Variants in PRMT8 observed in about 807,000 individuals in gnomAD.
The protein encoded by PRMT8 is protein arginine methyltransferase 8, also known as protein arginine N-methyltransferase 8.
In PRMT8, 7 loss-of-function variants were observed where a neutral mutation model predicts 47.1. The ratio of observed to expected loss-of-function variants is 0.15; its 90% CI spans 0.08 to 0.28. The LOEUF is 0.28. PRMT8 is among the 10% of genes least tolerant of loss of function. PRMT8 has a pLI of 1.00. For synonymous variants in PRMT8, 188 were observed against 186.5 expected, an observed-to-expected ratio of 1.01 and a Z score of -0.07; for missense variants, 237 against 505.4, an observed-to-expected ratio of 0.47 and a Z score of 5.09.
chr12:3,519,361 G>A (rs1865845574), intron 1 of PRMT8, among the ~76,000 whole-genome samples: 1 of 152,180 alleles, frequency 6.6e-6, no homozygotes, highest in Non-Finnish European at 1.5e-5. Flanking sequence ...GAGGAAGTGA[G>A]AGGATGCGGA....
chr12:3,449,083 C>T (rs1864890540), intron 1 of PRMT8, among the ~76,000 whole-genome samples: 1 of 152,204 alleles, frequency 6.6e-6, no homozygotes, highest in Admixed American at 6.5e-5. Context: ...CTTTTTATGG[C>T]TGCATAGTAT....
chr12:3,525,032 G>T (rs969508982), intron 1 of PRMT8, among the ~76,000 whole-genome samples: 6 of 152,118 alleles, frequency 3.9e-5, no homozygotes, highest in African/African-American at 1.4e-4. Flanking sequence ...CACCAGCCTG[G>T]CCAAAATGGA....
chr12:3,535,055 C>T lies in PRMT8; in HGVS notation c.76-5551C>T, dbSNP rs1866095037. On this transcript the variant is annotated intron_variant, in intron 1 of 9. Coordinates refer to ENST00000382622, the MANE Select transcript of PRMT8 (RefSeq NM_019854.5). The surrounding 1 kb of genome is among the most constrained non-coding windows in gnomAD (Gnocchi z 4.7). ...CAATGTTAGGTCTCATCACCATCAT[C>T]ATCCTCTGCCATCTACCTGCATTTT... Among the ~76,000 whole-genome samples, 1 of 152,242 alleles carries T rather than the reference C, an allele frequency of 6.6e-6. No individual in the cohort carries two copies. Among genetic ancestry groups the T allele is most frequent in the South Asian group, 2.1e-4 (1 of 4,832 alleles).
intron 2 of PRMT8, among the ~76,000 whole-genome samples, chr12:3,548,152 C>T (rs1050405963): frequency 9.9e-5 from 15 of 151,714 alleles, no homozygotes; most frequent in Non-Finnish European, 2.1e-4. Context: ...CATTTATTTG[C>T]AAGAAAAAAT....
chr12:3,485,412 T>C (rs1865313704), intron 1 of PRMT8, among the ~76,000 whole-genome samples: 1 of 152,164 alleles, frequency 6.6e-6, no homozygotes, highest in African/African-American at 2.4e-5. Flanking sequence ...AATTACAATT[T>C]CATGAGGAAC....
chr12:3,444,552 C>A (rs1329824176), intron 1 of PRMT8, among the ~76,000 whole-genome samples: 2 of 152,196 alleles, frequency 1.3e-5, no homozygotes, highest in Non-Finnish European at 2.9e-5. Context: ...TTGTGATCAG[C>A]AAATGTTGAG....
At chr12:3,568,478 C>T (rs76161983) in intron 4 of PRMT8, among the ~76,000 whole-genome samples, 3,702 of 152,320 alleles carry the variant, frequency 0.024, 58 homozygotes, top group East Asian at 0.083. Flanking sequence ...ACGGGCTTAG[C>T]GCTATGCCAG....
intron 1 of PRMT8, among the ~76,000 whole-genome samples, chr12:3,481,149 A>T (rs1565418373): frequency 6.6e-6 from 1 of 152,218 alleles, no homozygotes; most frequent in Non-Finnish European, 1.5e-5. Flanking sequence ...TCCCCTTCCC[A>T]GGGAAACCCA....
At chr12:3,553,512 G>T (rs1866465741) in intron 3 of PRMT8, 139 bp from the exon 4 acceptor site, 1 of 743,074 alleles carries the variant, frequency 1.3e-6, no homozygotes, top group Non-Finnish European at 2.3e-6. Flanking sequence ...TCGGTTTTCA[G>T]TCTGCCACAA....
chr12:3,529,520 G>T (rs1865995689), intron 1 of PRMT8, among the ~76,000 whole-genome samples: 1 of 152,084 alleles, frequency 6.6e-6, no homozygotes, highest in African/African-American at 2.4e-5. Flanking sequence ...TAGCCAGAAT[G>T]CCAGTATTTT....
chr12:3,422,242 C>T (rs1189085541), intron 1 of PRMT8, among the ~76,000 whole-genome samples: 1 of 152,232 alleles, frequency 6.6e-6, no homozygotes, highest in Non-Finnish European at 1.5e-5. Context: ...GTCAGCTCCA[C>T]CTGCCAACCT....
intron 1 of PRMT8, among the ~76,000 whole-genome samples, chr12:3,416,258 T>A (rs1864482860): frequency 6.6e-6 from 1 of 152,200 alleles, no homozygotes; most frequent in Non-Finnish European, 1.5e-5. Context: ...CATCATCCCC[T>A]ATCAAGAGAT....
intron 1 of PRMT8, among the ~76,000 whole-genome samples, chr12:3,384,830 T>C (rs1362640623): frequency 1.3e-5 from 2 of 152,046 alleles, no homozygotes; most frequent in Non-Finnish European, 2.9e-5. Context: ...TGACAATTTG[T>C]TGTTGTGCAG....
chr12:3,577,033 C>A, intron 7 of PRMT8, 47 bp downstream of exon 7: 1 of 1,504,034 alleles, frequency 6.6e-7, no homozygotes, highest in Non-Finnish European at 9.2e-7. Context: ...GGGAGCCCCG[C>A]TGTGCCACCC....
chr12:3,432,559 G>A (rs1864692952), intron 1 of PRMT8, among the ~76,000 whole-genome samples: 1 of 152,128 alleles, frequency 6.6e-6, no homozygotes, highest in South Asian at 2.1e-4. Context: ...GCCCAGCCCA[G>A]GCAGGAAGGG....
At chr12:3,397,015 G>A (rs919709278) in intron 1 of PRMT8, among the ~76,000 whole-genome samples, 5 of 151,904 alleles carry the variant, frequency 3.3e-5, no homozygotes, top group African/African-American at 1.2e-4. Flanking sequence ...CGGCTCCTGA[G>A]GCTTCTGCAT....
chr12:3,530,829 G>A (rs1016227570), intron 1 of PRMT8, among the ~76,000 whole-genome samples: 2 of 152,186 alleles, frequency 1.3e-5, no homozygotes, highest in East Asian at 3.8e-4. Context: ...TGTACCACAC[G>A]CTCGAATTTC....
At chr12:3,473,485 A>G (rs11062666) in intron 1 of PRMT8, among the ~76,000 whole-genome samples, 30,334 of 151,908 alleles carry the variant, frequency 0.2, 3,335 homozygotes, top group East Asian at 0.26. Flanking sequence ...TAAAGATCGG[A>G]GTTTTCCAGA....
chr12:3,447,865 A>C (rs10732597), intron 1 of PRMT8, among the ~76,000 whole-genome samples: 129,163 of 152,170 alleles, frequency 0.85, 55,109 homozygotes, highest in South Asian at 0.9. Flanking sequence ...AACTACATGT[A>C]CTTGGGCACA....
Sources: allele counts gnomAD v4.1 joint callset (sites outside exome capture counted in the v4.1 genomes callset), GRCh38; gene constraint gnomAD v4.1.1; non-coding constraint Gnocchi (gnomAD v3.1); transcripts MANE v1.5; gene names NCBI Gene and HGNC (gene_info 2026-07-23, HGNC 2026-07-21).